Variants in AKNA observed in about 807,000 individuals in gnomAD.
AKNA encodes the protein AT-hook transcription factor, also known as microtubule organization protein AKNA.
In AKNA, 67 loss-of-function variants were observed where a neutral mutation model predicts 138.8. That is an observed-to-expected ratio of 0.48 (90% CI 0.40 to 0.59). The LOEUF is 0.59. AKNA is among the 20% of genes least tolerant of loss of function. The pLI is 0.00. For synonymous variants in AKNA, 737 were observed against 754.4 expected (o/e 0.98, Z 0.38); for missense variants, 1,813 against 1,880.4 (o/e 0.96, Z 0.66).
intron 1 of AKNA, among the ~76,000 whole-genome samples, chr9:114,385,222 T>TCACCCCGAGG (rs1833945931): frequency 6.6e-6 from 1 of 152,184 alleles, no homozygotes; most frequent in Admixed American, 6.5e-5. Flanking sequence ...TGTACCCTTC[T>TCACCCCGAGG]TGGAAATCCC....
chr9:114,364,607 C>T lies in AKNA; in HGVS notation c.1741G>A (p.Glu581Lys). The T allele has an allele frequency of 6.2e-7, 1 of 1,613,988 alleles. No homozygotes were observed. The highest frequency in any genetic ancestry group is 8.5e-7 in the Non-Finnish European group (1 of 1,180,022). The part of the protein sequence containing the change: ...SQFLAKVESF[E>K]RLIQAGRLMP... ...AGACGTCCTGCCTGTATCAGTCTTTCAAAGGACTCCACCTGGACATTGGGA... is the reference window on the plus strand; with the variant it reads ...AGACGTCCTGCCTGTATCAGTCTTTTAAAGGACTCCACCTGGACATTGGGA... Residue 581 changes from glutamate (E) to lysine (K), a missense_variant, in exon 7 of 22, where the codon GAA becomes AAA. Glu to Lys is a moderately conservative substitution (Grantham distance 56, BLOSUM62 1). Coordinates refer to ENST00000374088, the MANE Select transcript of AKNA (RefSeq NM_001317950.2).
intron 2 of AKNA, among the ~76,000 whole-genome samples, chr9:114,378,898 T>C (rs1260356773): frequency 1.3e-5 from 2 of 152,224 alleles, no homozygotes; most frequent in Non-Finnish European, 2.9e-5. Context: ...CCACCAGGCA[T>C]AGACTCTCTG....
chr9:114,344,143 C>A, intron 18 of AKNA: 1 of 229,608 alleles, frequency 4.4e-6, no homozygotes, highest in Non-Finnish European at 8.7e-6. Context: ...TGAAAGCAGG[C>A]CAGGAAGAAA....
chr9:114,354,435 T>C (rs975718796), intron 14 of AKNA, among the ~76,000 whole-genome samples: 3 of 152,162 alleles, frequency 2.0e-5, no homozygotes, highest in Non-Finnish European at 4.4e-5. Flanking sequence ...ATTTTTAGGC[T>C]GGGCGCGGTG....
chr9:114,350,391 G>A (rs1237634736), intron 15 of AKNA, among the ~76,000 whole-genome samples: 2 of 152,186 alleles, frequency 1.3e-5, no homozygotes, highest in African/African-American at 2.4e-5. Flanking sequence ...CTAAGAGGAG[G>A]TGTGAGAGAA....
intron 14 of AKNA, among the ~76,000 whole-genome samples, chr9:114,352,552 G>A (rs1447156984): frequency 6.6e-6 from 1 of 151,762 alleles, no homozygotes; most frequent in African/African-American, 2.4e-5. Flanking sequence ...AGCTGAGATC[G>A]TACCACTACA....
intron 21 of AKNA, among the ~76,000 whole-genome samples, chr9:114,337,567 T>C (rs1010385165): frequency 2.0e-5 from 3 of 152,144 alleles, no homozygotes; most frequent in Non-Finnish European, 4.4e-5. Flanking sequence ...TACCTGTTCA[T>C]CTGATTTACT....
chr9:114,343,490 C>T (rs1830489518), intron 19 of AKNA, among the ~76,000 whole-genome samples: 2 of 152,324 alleles, frequency 1.3e-5, no homozygotes, highest in South Asian at 4.1e-4. Context: ...CAGGACCCTT[C>T]AGGAACTTCT....
chr9:114,397,847 C>G (rs1027850642), upstream of AKNA, among the ~76,000 whole-genome samples: 1 of 152,200 alleles, frequency 6.6e-6, no homozygotes, highest in Non-Finnish European at 1.5e-5. Context: ...GGCCCTTGTT[C>G]TACCTTCCCC....
chr9:114,353,651 C>T (rs897092809), intron 14 of AKNA, among the ~76,000 whole-genome samples: 3 of 152,190 alleles, frequency 2.0e-5, no homozygotes, highest in African/African-American at 7.2e-5. Flanking sequence ...CACCATGTCA[C>T]AAACATCATA....
rs1012627619 is a variant in AKNA, at chr9:114,345,891, G to A, written c.3633C>T (p.Asp1211=). The change falls in exon 18 of 22, where the codon GAC becomes GAT. Residue 1211 remains aspartate (D), a synonymous_variant. Coordinates refer to ENST00000374088, the MANE Select transcript of AKNA (RefSeq NM_001317950.2). ...TGTATTGGCCCCGGAAGGTGACCCT[G>A]TCTGGCCATCCAGCACTGCCCACCC... is the stretch of plus-strand genomic sequence containing the variant. The part of the protein sequence containing the change: ...KRGVGSAGWP[D]RVTFRGQYTG... The A allele has an allele frequency of 6.2e-6, 10 of 1,613,990 alleles. No homozygotes were observed. Among genetic ancestry groups the A allele is most frequent in the East Asian group, 4.5e-5 (2 of 44,892 alleles).
At chr9:114,381,639 C>CCT (rs202125014) in intron 1 of AKNA, among the ~76,000 whole-genome samples, 193 bp from the exon 2 acceptor site, 1,558 of 149,062 alleles carry the variant, frequency 0.01, 31 homozygotes, top group African/African-American at 0.037. Context: ...GATAATAATT[C>CCT]CTCTCTCTCT....
intron 4 of AKNA, among the ~76,000 whole-genome samples, chr9:114,370,643 C>T (rs1287621174): frequency 6.6e-6 from 1 of 152,192 alleles, no homozygotes; most frequent in African/African-American, 2.4e-5. Context: ...GGATTCACTC[C>T]CTTGGGGGAT....
At chr9:114,391,853 C>CAAAAAAAAAAAAAAAAAAAAAACCAA (rs61158842), upstream of AKNA, among the ~76,000 whole-genome samples, 1 of 63,064 alleles carries the variant, frequency 1.6e-5, no homozygotes, top group South Asian at 7.3e-4. Flanking sequence ...GACTCTGTCT[C>CAAAAAAAAAAAAAAAAAAAAAACCAA]AAAAAAAAAA....
At chr9:114,347,398 T>C (rs1830758623) in intron 16 of AKNA, among the ~76,000 whole-genome samples, 1 of 152,078 alleles carries the variant, frequency 6.6e-6, no homozygotes, top group Non-Finnish European at 1.5e-5. Context: ...TTTTGTGTTT[T>C]TAGTAGAGAC....
At chr9:114,346,597 G>A (rs1830704379) in intron 17 of AKNA, 72 bp downstream of exon 17, 1 of 1,204,966 alleles carries the variant, frequency 8.3e-7, no homozygotes, top group South Asian at 1.4e-5. Flanking sequence ...CTGTTGCTGT[G>A]GTCCCTGACC....
At chr9:114,367,468 C>T in intron 6 of AKNA, 75 bp downstream of exon 6, 1 of 1,550,052 alleles carries the variant, frequency 6.5e-7, no homozygotes, top group Non-Finnish European at 8.7e-7. Context: ...GAGTGCCTCT[C>T]ACCCAAGCAG....
chr9:114,361,774 T>C lies in AKNA; in HGVS notation c.2054A>G (p.His685Arg). Residue 685 changes from histidine to arginine, a missense_variant, in exon 9 of 22, where the codon CAT becomes CGT. By Grantham distance (29) the His-to-Arg change is conservative. Coordinates refer to ENST00000374088, the MANE Select transcript of AKNA (RefSeq NM_001317950.2). ...LDSTPALPCLHQPTHLPAPSG... is the reference protein window; with the variant it reads ...LDSTPALPCLRQPTHLPAPSG... ...AGGAGCAGGCAGGTGCGTTGGCTGA[T>C]GGAGGCAGGGCAGGGCTGGGGTGCT... is the stretch of plus-strand genomic sequence containing the variant. 6.2e-7 allele frequency: 1 copy of C among 1,613,780 alleles called. No homozygotes were observed. The highest frequency in any genetic ancestry group is 8.5e-7 in the Non-Finnish European group (1 of 1,179,988).
intron 15 of AKNA, among the ~76,000 whole-genome samples, chr9:114,348,721 C>T (rs1830881600): frequency 6.6e-6 from 1 of 152,220 alleles, no homozygotes. Context: ...GCATTGCTGA[C>T]ACCGCAGCAG....
Sources: gnomAD v4.1 joint callset for allele counts (sites outside exome capture counted in the v4.1 genomes callset) on GRCh38, gnomAD v4.1.1 for gene constraint, MANE v1.5 for transcripts, NCBI Gene and HGNC (gene_info 2026-07-23, HGNC 2026-07-21) for gene names.